Variants in GPR158 observed in about 807,000 individuals in gnomAD.
The protein encoded by GPR158 is metabotropic glycine receptor.
Under a neutral mutation model 78.2 loss-of-function variants are expected in GPR158, and 30 were observed. The observed-to-expected ratio is 0.38, with a 90% CI of 0.29 to 0.52. The LOEUF (loss-of-function observed/expected upper bound fraction) is 0.52. GPR158 is among the 20% of genes least tolerant of loss of function. GPR158 has a pLI of 0.83. For synonymous variants in GPR158, 581 were observed against 591.1 expected (o/e 0.98, Z 0.25); for missense variants, 1,463 against 1,523.5 (o/e 0.96, Z 0.66).
chr10:25,235,461 T>C (rs1292027243), intron 2 of GPR158, among the ~76,000 whole-genome samples: 1 of 151,290 alleles, frequency 6.6e-6, no homozygotes, highest in Non-Finnish European at 1.5e-5. Context: ...GCACCTGAAA[T>C]CTATCTGCTC....
At chr10:25,332,826 C>T (rs78099880) in intron 2 of GPR158, among the ~76,000 whole-genome samples, 5,652 of 152,160 alleles carry the variant, frequency 0.037, 345 homozygotes, top group African/African-American at 0.13. Context: ...TGCTGTTTAC[C>T]ACTAAGGAAA....
chr10:25,278,711 A>G (rs1041880755), intron 2 of GPR158, among the ~76,000 whole-genome samples: 1 of 151,740 alleles, frequency 6.6e-6, no homozygotes, highest in Non-Finnish European at 1.5e-5. Context: ...TACTATCTTC[A>G]AAGTGCTGAC....
At chr10:25,596,183 G>A (rs1837402352) in intron 9 of GPR158, among the ~76,000 whole-genome samples, 2 of 152,098 alleles carry the variant, frequency 1.3e-5, no homozygotes. Context: ...TTAAAAACAA[G>A]AAAAACAATT....
intron 2 of GPR158, among the ~76,000 whole-genome samples, chr10:25,243,162 C>T (rs535098593): frequency 6.6e-6 from 1 of 152,372 alleles, no homozygotes; most frequent in South Asian, 2.1e-4. Context: ...ACAAGCTATT[C>T]TGTCATTCAC....
chr10:25,243,318 G>A (rs1461462797), intron 2 of GPR158, among the ~76,000 whole-genome samples: 2 of 152,212 alleles, frequency 1.3e-5, no homozygotes, highest in Non-Finnish European at 2.9e-5. Flanking sequence ...GAAGCAAGCT[G>A]TAATTGGCTA....
At chr10:25,280,526 A>G (rs897370563) in intron 2 of GPR158, among the ~76,000 whole-genome samples, 1 of 152,228 alleles carries the variant, frequency 6.6e-6, no homozygotes, top group Non-Finnish European at 1.5e-5. Flanking sequence ...CAAAAGCAGA[A>G]GCTATGAAAA....
intron 1 of GPR158, among the ~76,000 whole-genome samples, chr10:25,216,337 GA>G (rs917491639): frequency 1.1e-4 from 17 of 152,162 alleles, no homozygotes; most frequent in African/African-American, 3.9e-4. Flanking sequence ...TGATGGAGCA[GA>G]AAAATTATTG....
At chr10:25,495,641 GA>G (rs981931948) in intron 5 of GPR158, among the ~76,000 whole-genome samples, 2 of 151,954 alleles carry the variant, frequency 1.3e-5, no homozygotes, top group African/African-American at 2.4e-5. Context: ...ACAGTAAAGA[GA>G]AATGACCAAA....
intron 5 of GPR158, among the ~76,000 whole-genome samples, chr10:25,476,388 T>TG (rs1835586465): frequency 6.6e-6 from 1 of 151,548 alleles, no homozygotes; most frequent in Non-Finnish European, 1.5e-5. Flanking sequence ...ATAAGGGTTT[T>TG]TTTTTTTTTT....
At chr10:25,509,870 C>A (rs1281023884) in intron 5 of GPR158, among the ~76,000 whole-genome samples, 1 of 152,188 alleles carries the variant, frequency 6.6e-6, no homozygotes, top group Non-Finnish European at 1.5e-5. Context: ...TGTGCCACTG[C>A]ACCTGGCTAA....
At chr10:25,447,164 A>G (rs1399268723) in intron 4 of GPR158, among the ~76,000 whole-genome samples, 2 of 152,206 alleles carry the variant, frequency 1.3e-5, no homozygotes, top group Non-Finnish European at 2.9e-5. Flanking sequence ...TTAACAATAG[A>G]TTTATAGATA....
At chr10:25,264,878 C>A (rs1159451536) in intron 2 of GPR158, among the ~76,000 whole-genome samples, 1 of 152,140 alleles carries the variant, frequency 6.6e-6, no homozygotes, top group Non-Finnish European at 1.5e-5. Flanking sequence ...AGAATTGATA[C>A]TCTGCGAACT....
chr10:25,314,842 TA>T (rs1854823584), intron 2 of GPR158, among the ~76,000 whole-genome samples: 3 of 123,818 alleles, frequency 2.4e-5, no homozygotes, highest in African/African-American at 1.1e-4. Context: ...CATATACACG[TA>T]TATACATACA....
chr10:25,249,617 T>C (rs1265926079), intron 2 of GPR158, among the ~76,000 whole-genome samples: 1 of 151,668 alleles, frequency 6.6e-6, no homozygotes, highest in Non-Finnish European at 1.5e-5. Context: ...ATTACATTTA[T>C]TGATTTGCGT....
At chr10:25,362,773 CTG>C (rs990592489) in intron 2 of GPR158, among the ~76,000 whole-genome samples, 6 of 151,678 alleles carry the variant, frequency 4.0e-5, no homozygotes, top group Non-Finnish European at 7.4e-5. Flanking sequence ...TAACTGATTT[CTG>C]TGTGTTGATT....
intron 5 of GPR158, among the ~76,000 whole-genome samples, chr10:25,469,187 T>C (rs1042728683): frequency 2.6e-5 from 4 of 152,182 alleles, no homozygotes; most frequent in South Asian, 2.1e-4. Context: ...CACTCTCTCT[T>C]GGTGATCTCA....
chr10:25,287,393 T>C (rs1854367574), intron 2 of GPR158, among the ~76,000 whole-genome samples: 2 of 152,040 alleles, frequency 1.3e-5, no homozygotes, highest in Non-Finnish European at 2.9e-5. Flanking sequence ...TTTTGAGTCT[T>C]TTTTTATTAT....
At chr10:25,381,612 G>C (rs1834156196) in intron 2 of GPR158, among the ~76,000 whole-genome samples, 1 of 152,152 alleles carries the variant, frequency 6.6e-6, no homozygotes, top group Non-Finnish European at 1.5e-5. Flanking sequence ...GAGGGACATG[G>C]TTTCCATTTT....
At chr10:25,439,222 G>A (rs1379259032) in intron 4 of GPR158, among the ~76,000 whole-genome samples, 2 of 152,186 alleles carry the variant, frequency 1.3e-5, no homozygotes, top group Admixed American at 6.5e-5. Context: ...CACAATCATG[G>A]TGGAAGGTGA....
Sources: gnomAD v4.1 joint callset for allele counts (sites outside exome capture counted in the v4.1 genomes callset) on GRCh38, gnomAD v4.1.1 for gene constraint, MANE v1.5 for transcripts, NCBI Gene and HGNC (gene_info 2026-07-23, HGNC 2026-07-21) for gene names.